GLRA3: variants seen among roughly 807,000 people sequenced by gnomAD.
The protein encoded by GLRA3 is glycine receptor subunit alpha-3.
A neutral mutation model predicts 60.4 loss-of-function variants in GLRA3; 44 were observed. The ratio of observed to expected loss-of-function variants is 0.73; its 90% CI spans 0.57 to 0.94. The LOEUF (loss-of-function observed/expected upper bound fraction) is 0.94. Ranked by LOEUF, GLRA3 falls within the 40% of genes least tolerant of loss-of-function variation. GLRA3 has a pLI of 0.00. For synonymous variants in GLRA3, 223 were observed against 192.9 expected (o/e 1.16, Z -1.29); for missense variants, 508 against 564.6 (o/e 0.90, Z 1.02).
intron 5 of GLRA3, 35 bp downstream of exon 5, chr4:174,715,453 A>G (rs764955910): frequency 1.0e-6 from 1 of 967,878 alleles, no homozygotes; most frequent in Non-Finnish European, 1.7e-6. Flanking sequence ...ACTATAATGT[A>G]AAAGTATTTT....
chr4:174,735,047 G>T (rs911043466), intron 3 of GLRA3, among the ~76,000 whole-genome samples: 11 of 152,202 alleles, frequency 7.2e-5, no homozygotes, highest in African/African-American at 2.6e-4. Context: ...TCCCGCTAAG[G>T]TGCTGCACAG....
intron 3 of GLRA3, among the ~76,000 whole-genome samples, chr4:174,760,722 G>A (rs573441330): frequency 1.3e-5 from 2 of 152,248 alleles, no homozygotes; most frequent in South Asian, 2.1e-4. Flanking sequence ...GTTTCACCAT[G>A]TTGGCCAGGC....
intron 7 of GLRA3, among the ~76,000 whole-genome samples, chr4:174,674,042 C>T (rs1734010063): frequency 6.6e-6 from 1 of 152,110 alleles, no homozygotes; most frequent in Admixed American, 6.6e-5. Context: ...CTGTTGCTAC[C>T]AATCTTGCCA....
Position 174,808,335 on chromosome 4 carries a change from A to G in GLRA3, c.72-19392T>C, listed in dbSNP as rs572911399. On this transcript the variant is annotated intron_variant, in intron 1 of 9. Transcript: ENST00000274093. The stretch of plus-strand genomic sequence containing the variant: ...ATTATAATGAAGCTGAAAAATTCCT[A>G]TTGCCTAGTGATGTCATACCCATGG... Among the ~76,000 whole-genome samples, 5 of 152,198 alleles carry G rather than the reference A, an allele frequency of 3.3e-5. No individual in the cohort carries two copies. The East Asian group carries it at 9.7e-4, about 29-fold the overall frequency.
intron 1 of GLRA3, among the ~76,000 whole-genome samples, chr4:174,808,186 A>C (rs1740123735): frequency 6.6e-6 from 1 of 152,186 alleles, no homozygotes; most frequent in Non-Finnish European, 1.5e-5. Context: ...GGAATTAAGG[A>C]AAAACAAAAG....
chr4:174,658,606 T>G (rs1733302343), intron 8 of GLRA3, among the ~76,000 whole-genome samples: 1 of 152,164 alleles, frequency 6.6e-6, no homozygotes, highest in Non-Finnish European at 1.5e-5. Flanking sequence ...CACAGAGATT[T>G]GCATGTATTT....
At chr4:174,658,085 A>T (rs10019298) in intron 8 of GLRA3, among the ~76,000 whole-genome samples, 46,215 of 152,052 alleles carry the variant, frequency 0.3, 8,080 homozygotes, top group Admixed American at 0.48. Flanking sequence ...TTATAAAGAA[A>T]CCTTAAAAAA....
chr4:174,826,476 T>C (rs1740971615), intron 1 of GLRA3, among the ~76,000 whole-genome samples: 1 of 152,204 alleles, frequency 6.6e-6, no homozygotes, highest in African/African-American at 2.4e-5. Context: ...GTCACACTTC[T>C]ACTTGCTGAA....
intron 3 of GLRA3, among the ~76,000 whole-genome samples, chr4:174,759,134 T>C (rs1440109283): frequency 1.3e-5 from 2 of 152,118 alleles, no homozygotes; most frequent in African/African-American, 2.4e-5. Context: ...TTAACATTGC[T>C]TTTGTTGAAA....
intron 4 of GLRA3, among the ~76,000 whole-genome samples, chr4:174,718,077 A>G (rs1297672513): frequency 2.0e-5 from 3 of 152,226 alleles, no homozygotes; most frequent in African/African-American, 7.2e-5. Context: ...TTTGGCAAAG[A>G]AAAACACAGT....
chr4:174,801,321 T>C (rs1739804892), intron 1 of GLRA3, among the ~76,000 whole-genome samples: 1 of 152,092 alleles, frequency 6.6e-6, no homozygotes, highest in African/African-American at 2.4e-5. Flanking sequence ...TATTATCCAG[T>C]CTAATAGTTT....
At chr4:174,717,616 G>T (rs1735976020) in intron 4 of GLRA3, among the ~76,000 whole-genome samples, 1 of 152,086 alleles carries the variant, frequency 6.6e-6, no homozygotes, top group African/African-American at 2.4e-5. Context: ...GTCTTAGGAG[G>T]ATAATCTGGT....
intron 1 of GLRA3, among the ~76,000 whole-genome samples, chr4:174,794,034 T>A (rs565766856): frequency 3.3e-5 from 5 of 152,176 alleles, no homozygotes; most frequent in Non-Finnish European, 4.4e-5. Flanking sequence ...TCCCTTTCAT[T>A]CATGCAAATC....
intron 7 of GLRA3, among the ~76,000 whole-genome samples, chr4:174,672,757 A>G (rs938644761): frequency 6.6e-6 from 1 of 152,136 alleles, no homozygotes; most frequent in Non-Finnish European, 1.5e-5. Context: ...AGAAGTTGTT[A>G]TGCAGGATAA....
rs1204025950 is a variant in GLRA3, at chr4:174,682,866, A to T, written c.648T>A (p.Thr216=). 3 of 1,612,482 alleles carry T rather than the reference A, an allele frequency of 1.9e-6. No homozygotes were observed. The African/African-American group carries it at 4.0e-5, about 22-fold the overall frequency. The change falls in exon 6 of 10, where the codon ACT becomes ACA. Residue 216 remains threonine, a synonymous_variant. Coordinates refer to ENST00000274093, the MANE Select transcript of GLRA3 (RefSeq NM_006529.4). ...CTTCTTTCAACAGAAACTGGGGCAA[A>T]GTGAGTCCTTCTGCCACTTGTACGG... The part of the protein sequence containing the change: ...EAPVQVAEGL[T]LPQFLLKEEK...
At chr4:174,759,699 C>T (rs78506474) in intron 3 of GLRA3, among the ~76,000 whole-genome samples, 1,741 of 152,166 alleles carry the variant, frequency 0.011, 30 homozygotes, top group African/African-American at 0.039. Context: ...AACAAGACAA[C>T]GTGATATCAG....
chr4:174,700,904 C>A (rs1735290274), intron 5 of GLRA3, among the ~76,000 whole-genome samples: 1 of 152,098 alleles, frequency 6.6e-6, no homozygotes, highest in Non-Finnish European at 1.5e-5. Context: ...TGGAAGCTAG[C>A]AGAGGTTAGT....
chr4:174,756,143 T>C (rs760657766), intron 3 of GLRA3, among the ~76,000 whole-genome samples: 3 of 152,146 alleles, frequency 2.0e-5, no homozygotes, highest in Non-Finnish European at 4.4e-5. Flanking sequence ...CTGGCTTGGA[T>C]GGCATTACTG....
rs1345246848 is a variant in GLRA3 at position 174,641,032 on chromosome 4, G to A, written c.*2754C>T. The A allele has an allele frequency of 6.6e-6, 1 of 151,944 alleles. No homozygotes were observed. The highest frequency in any genetic ancestry group is 2.4e-5 in the African/African-American group (1 of 41,396). The allele number at this position is 151,944 out of a possible 1,614,324, so 9.4% of individuals were successfully genotyped here. On this transcript the variant is annotated 3_prime_UTR_variant, in exon 10 of 10. Coordinates refer to ENST00000274093, the MANE Select transcript of GLRA3 (RefSeq NM_006529.4). ...TCTAATGGTTGGGAAAGAAAGAAAA[G>A]GTTGGGCACATATATGCTAATGTAT...
Sources: gnomAD v4.1 joint callset for allele counts (sites outside exome capture counted in the v4.1 genomes callset) on GRCh38, gnomAD v4.1.1 for gene constraint, MANE v1.5 for transcripts, NCBI Gene and HGNC (gene_info 2026-07-23, HGNC 2026-07-21) for gene names.